XIRP2: variants seen among roughly 807,000 people sequenced by gnomAD.
The protein encoded by XIRP2 is xin actin binding repeat containing 2, also known as xin actin-binding repeat-containing protein 2.
In XIRP2, 236 loss-of-function variants were observed where a neutral mutation model predicts 277.0. That is an observed-to-expected ratio of 0.85 (90% CI 0.77 to 0.95). The LOEUF is 0.95. Among genes scored for constraint, XIRP2 ranks in the 40% least tolerant of loss-of-function variants. The probability of loss-of-function intolerance (pLI) is 0.00; values close to 1 mark genes in which losing one functional copy is unlikely to be tolerated. For synonymous variants in XIRP2, 1,490 were observed against 1,416.5 expected, an observed-to-expected ratio of 1.05 and a Z score of -1.17; for missense variants, 4,640 against 4,157.5, an observed-to-expected ratio of 1.12 and a Z score of -3.19.
At chr2:167,055,780 G>A (rs1689022666) in intron 2 of XIRP2, among the ~76,000 whole-genome samples, 1 of 152,116 alleles carries the variant, frequency 6.6e-6, no homozygotes, top group South Asian at 2.1e-4. Context: ...TAAAAATATA[G>A]CTTAATCTCA....
At chr2:167,106,916 AAAT>A (rs956354277) in intron 2 of XIRP2, among the ~76,000 whole-genome samples, 2 of 151,094 alleles carry the variant, frequency 1.3e-5, no homozygotes, top group African/African-American at 4.8e-5. Flanking sequence ...TTTGTTTTTA[AAAT>A]AATAATAATA....
At chr2:166,988,684 G>T (rs1255471878) in intron 2 of XIRP2, among the ~76,000 whole-genome samples, 1 of 105,542 alleles carries the variant, frequency 9.5e-6, no homozygotes, top group Admixed American at 9.7e-5. Context: ...TTCCCTTTCC[G>T]AGTCAAAGAA....
At chr2:166,906,051 T>G (rs1057162157) in intron 2 of XIRP2, among the ~76,000 whole-genome samples, 2 of 152,070 alleles carry the variant, frequency 1.3e-5, no homozygotes, top group Non-Finnish European at 2.9e-5. Context: ...GGCTACTCTA[T>G]AACTCTGACA....
intron 3 of XIRP2, among the ~76,000 whole-genome samples, chr2:167,201,886 A>T (rs1047147633): frequency 1.3e-5 from 2 of 152,160 alleles, no homozygotes; most frequent in Non-Finnish European, 2.9e-5. Flanking sequence ...TGTAGAGTTG[A>T]AAGTTGTATG....
At chr2:167,125,754 T>C (rs538308748) in intron 2 of XIRP2, among the ~76,000 whole-genome samples, 1 of 152,294 alleles carries the variant, frequency 6.6e-6, no homozygotes, top group East Asian at 1.9e-4. Context: ...TCTTTATTGT[T>C]GCATAACAAA....
At chr2:166,894,018 C>G (rs968981553) in intron 1 of XIRP2, among the ~76,000 whole-genome samples, 3 of 152,028 alleles carry the variant, frequency 2.0e-5, no homozygotes, top group Non-Finnish European at 4.4e-5. Context: ...TCCCCAAGAC[C>G]TAGTCAAAGA....
At position 167,151,422 on chromosome 2, in the gene XIRP2, A is replaced by T. The variant is rs141391135; in HGVS notation, c.562+15360A>T. On this transcript the variant is annotated intron_variant, in intron 3 of 10. Transcript: ENST00000409195. Reference sequence around the variant, plus strand: ...CACCACTACACAACATATCCATGTAACAAAACTGAACTTTTACCCCCAGAT... The same window carrying T: ...CACCACTACACAACATATCCATGTATCAAAACTGAACTTTTACCCCCAGAT... 4.7e-3 allele frequency among the ~76,000 whole-genome samples: 722 copies of T among 152,296 alleles called. 2 individuals are homozygous for T. Among genetic ancestry groups the T allele is most frequent in the Non-Finnish European group, 6.9e-3 (469 of 68,004 alleles).
chr2:167,112,560 TTA>T (rs1228047707), intron 2 of XIRP2, among the ~76,000 whole-genome samples: 1 of 143,508 alleles, frequency 7.0e-6, no homozygotes, highest in African/African-American at 2.7e-5. Context: ...ATCTAGATAT[TTA>T]TATAGAGATA....
chr2:167,011,552 G>A (rs957186960), intron 2 of XIRP2, among the ~76,000 whole-genome samples: 1 of 152,014 alleles, frequency 6.6e-6, no homozygotes, highest in African/African-American at 2.4e-5. Context: ...TTGTGTCTCT[G>A]CCAGGCTTTG....
chr2:167,207,416 C>CT (rs1197927517), intron 3 of XIRP2, among the ~76,000 whole-genome samples: 3 of 152,146 alleles, frequency 2.0e-5, no homozygotes, highest in Non-Finnish European at 4.4e-5. Context: ...ATCTTACCAA[C>CT]TTCAAGGAAT....
intron 3 of XIRP2, among the ~76,000 whole-genome samples, chr2:167,146,637 T>C (rs977205244): frequency 1.3e-5 from 2 of 152,098 alleles, no homozygotes; most frequent in Admixed American, 6.6e-5. Context: ...ATATATTTAC[T>C]TGAAATCCCA....
chr2:167,154,348 T>C (rs1198176290), intron 3 of XIRP2, among the ~76,000 whole-genome samples: 1 of 151,434 alleles, frequency 6.6e-6, no homozygotes, highest in Non-Finnish European at 1.5e-5. Context: ...TTTTCTTCCA[T>C]TTTGTAGGTT....
intron 5 of XIRP2, among the ~76,000 whole-genome samples, chr2:167,219,104 G>C (rs2105401497): frequency 6.6e-6 from 1 of 152,062 alleles, no homozygotes; most frequent in East Asian, 1.9e-4. Flanking sequence ...TTTAAATGAA[G>C]CAATTGCGTG....
At position 167,251,593 on chromosome 2, in the gene XIRP2, A is replaced by G. The variant is rs1161067901; in HGVS notation, c.10201A>G (p.Ile3401Val). The G allele has an allele frequency of 1.2e-6, 2 of 1,613,492 alleles. No individual in the cohort carries two copies. Among genetic ancestry groups the G allele is most frequent in the Non-Finnish European group, 8.5e-7 (1 of 1,179,682 alleles). Residue 3401 changes from isoleucine (I) to valine (V), a missense_variant, in exon 9 of 11, where the codon ATT (isoleucine) becomes GTT (valine). By Grantham distance (29) the Ile-to-Val change is conservative. Transcript: ENST00000409195. ...ACATCCTAGAGAACTGCGAGAAAAG[A>G]TTCCTGTTAAGCAGCCCAGGATCTG... The part of the protein sequence containing the change: ...CKHPRELREK[I>V]PVKQPRICSE...
intron 2 of XIRP2, among the ~76,000 whole-genome samples, chr2:167,009,992 A>C (rs1333216262): frequency 6.6e-6 from 1 of 151,990 alleles, no homozygotes; most frequent in Admixed American, 6.6e-5. Flanking sequence ...TAGCTTGTGA[A>C]AATTTTCTCC....
rs2105318838 is a variant in XIRP2, at chr2:167,136,122, A to G, written c.562+60A>G. ...CATACCTTGTACAACATGAGTGGTTAATAAATAAAATATATGAGGGGTTTG... is the reference window on the plus strand; with the variant it reads ...CATACCTTGTACAACATGAGTGGTTGATAAATAAAATATATGAGGGGTTTG... On this transcript the variant is annotated intron_variant, in intron 3 of 10. Transcript: ENST00000409195. 4 of 1,416,514 alleles carry G rather than the reference A, an allele frequency of 2.8e-6. No individual in the cohort carries two copies. In the South Asian group the frequency reaches 6.9e-5, roughly 24 times the overall value. The allele number at this position is 1,416,514 out of a possible 1,614,324, so 87.7% of individuals were successfully genotyped here.
chr2:167,161,073 C>G (rs1385842435), intron 3 of XIRP2, among the ~76,000 whole-genome samples: 1 of 152,178 alleles, frequency 6.6e-6, no homozygotes, highest in Non-Finnish European at 1.5e-5. Context: ...TCCTTTGACT[C>G]CCTGTCTCAC....
intron 2 of XIRP2, among the ~76,000 whole-genome samples, chr2:167,046,473 G>T (rs1474980253): frequency 7.7e-6 from 1 of 129,342 alleles, no homozygotes; most frequent in Non-Finnish European, 1.6e-5. Flanking sequence ...ACACATGTAT[G>T]CATGCTCATC....
intron 2 of XIRP2, among the ~76,000 whole-genome samples, chr2:167,025,656 C>A (rs1490140675): frequency 6.6e-6 from 1 of 151,994 alleles, no homozygotes; most frequent in South Asian, 2.1e-4. Flanking sequence ...TATGTTGTGT[C>A]TTTGTTCTCA....
Sources: allele counts gnomAD v4.1 joint callset (sites outside exome capture counted in the v4.1 genomes callset), GRCh38; gene constraint gnomAD v4.1.1; transcripts MANE v1.5; gene names NCBI Gene and HGNC (gene_info 2026-07-23, HGNC 2026-07-21).